TLE4: variants seen among roughly 807,000 people sequenced by gnomAD.
The protein encoded by TLE4 is TLE family member 4, transcriptional corepressor.
Under a neutral mutation model 92.8 loss-of-function variants are expected in TLE4, and 8 were observed. The observed-to-expected ratio is 0.09, with a 90% CI of 0.05 to 0.16. The LOEUF is 0.16. Ranked by LOEUF, TLE4 falls within the 10% of genes least tolerant of loss-of-function variation. The pLI, the probability that TLE4 is intolerant of heterozygous loss-of-function variation, is 1.00. For synonymous variants in TLE4, 371 were observed against 374.1 expected, an observed-to-expected ratio of 0.99 and a Z score of 0.10; for missense variants, 675 against 997.6, an observed-to-expected ratio of 0.68 and a Z score of 4.36.
chr9:79,700,386 A>G (rs1358039897), intron 8 of TLE4, among the ~76,000 whole-genome samples: 1 of 152,142 alleles, frequency 6.6e-6, no homozygotes, highest in African/African-American at 2.4e-5. Flanking sequence ...AGTCTTTCTC[A>G]TACATTGTCA....
chr9:79,707,092 G>A (rs572209453), intron 11 of TLE4, 193 bp downstream of exon 11: 1 of 1,608,732 alleles, frequency 6.2e-7, no homozygotes, highest in African/African-American at 1.3e-5. Flanking sequence ...GGTGATGAGT[G>A]TTTATTTTAT....
chr9:79,642,230 T>TAA (rs952730821), intron 6 of TLE4, among the ~76,000 whole-genome samples: 1 of 146,674 alleles, frequency 6.8e-6, no homozygotes, highest in African/African-American at 2.5e-5. Context: ...CTGCTTTACT[T>TAA]AAAAAAAAAA....
intron 4 of TLE4, among the ~76,000 whole-genome samples, chr9:79,592,104 C>CTTCTTCTTTCTTCT (rs775181411): frequency 6.6e-6 from 1 of 151,148 alleles, no homozygotes; most frequent in Admixed American, 6.6e-5. Flanking sequence ...TCTTCTTCTT[C>CTTCTTCTTTCTTCT]TTCTTCTTTC....
intron 6 of TLE4, among the ~76,000 whole-genome samples, chr9:79,632,686 T>C (rs540381002): frequency 6.6e-6 from 1 of 152,346 alleles, no homozygotes; most frequent in South Asian, 2.1e-4. Context: ...GGTGAGCTTC[T>C]CTATCTTGTT....
intron 14 of TLE4, among the ~76,000 whole-genome samples, chr9:79,712,841 C>T (rs541856877): frequency 5.3e-5 from 8 of 152,256 alleles, no homozygotes; most frequent in African/African-American, 1.7e-4. Flanking sequence ...ATTAACATCA[C>T]GGTACTAATT....
intron 5 of TLE4, among the ~76,000 whole-genome samples, chr9:79,618,745 G>A (rs2050242870): frequency 6.6e-6 from 1 of 152,164 alleles, no homozygotes; most frequent in African/African-American, 2.4e-5. Context: ...AGTCCTCACA[G>A]CAATGATGAG....
chr9:79,611,213 G>A (rs2048298776), intron 4 of TLE4, among the ~76,000 whole-genome samples: 1 of 152,046 alleles, frequency 6.6e-6, no homozygotes, highest in African/African-American at 2.4e-5. Flanking sequence ...AGCTCTTCAT[G>A]GTGGCTTAAG....
chr9:79,594,074 G>GAA (rs1564221740), intron 4 of TLE4, among the ~76,000 whole-genome samples: 1 of 152,168 alleles, frequency 6.6e-6, no homozygotes, highest in Non-Finnish European at 1.5e-5. Context: ...CCTGATCTGG[G>GAA]CCTTAGGCAT....
At chr9:79,704,741 A>G (rs773191121) in intron 8 of TLE4, 42 bp from the exon 9 acceptor site, 7 of 1,588,960 alleles carry the variant, frequency 4.4e-6, no homozygotes, top group South Asian at 1.2e-5. Flanking sequence ...GGCTAAATAG[A>G]TGATAATTTC....
In TLE4 at chr9:79,687,023, G is replaced by A. The variant is rs533095556; in HGVS notation, c.610-17760G>A. ...TGCAGACACTGCACTTAGGCTCTGG[G>A]GATACTGTGGTGAAAACCCTGAATA... On this transcript the variant is annotated intron_variant, in intron 8 of 19. Coordinates refer to ENST00000376552, the MANE Select transcript of TLE4 (RefSeq NM_007005.6). Among the ~76,000 whole-genome samples, 8 of 152,312 alleles carry A rather than the reference G, an allele frequency of 5.3e-5. No individual in the cohort carries two copies. In the South Asian group the frequency reaches 8.3e-4, roughly 16 times the overall value.
At chr9:79,714,895 A>T (rs567988580) in intron 14 of TLE4, among the ~76,000 whole-genome samples, 4 of 152,228 alleles carry the variant, frequency 2.6e-5, no homozygotes, top group South Asian at 2.1e-4. Flanking sequence ...CATACCTTCC[A>T]GGAGTATTTG....
At chr9:79,623,079 ATACTT>A (rs2051448627) in intron 5 of TLE4, among the ~76,000 whole-genome samples, 1 of 152,118 alleles carries the variant, frequency 6.6e-6, no homozygotes, top group African/African-American at 2.4e-5. Flanking sequence ...ATTTTGAAGC[ATACTT>A]TAGAGAGAGA....
At chr9:79,695,496 G>A (rs1432007823) in intron 8 of TLE4, among the ~76,000 whole-genome samples, 1 of 152,134 alleles carries the variant, frequency 6.6e-6, no homozygotes, top group African/African-American at 2.4e-5. Context: ...ACATAATATG[G>A]TAACATGAAG....
At chr9:79,578,748 A>T (rs533947491) in intron 4 of TLE4, among the ~76,000 whole-genome samples, 1 of 152,186 alleles carries the variant, frequency 6.6e-6, no homozygotes, top group South Asian at 2.1e-4. Flanking sequence ...AATGTTGCCA[A>T]TTTTTAACAA....
In TLE4 at chr9:79,723,007, G is replaced by T. The variant is rs1342941999; in HGVS notation, c.2186G>T (p.Arg729Ile). 1 of 1,614,182 alleles carries T rather than the reference G, an allele frequency of 6.2e-7. No homozygotes were observed. The highest frequency in any genetic ancestry group is 8.5e-7 in the Non-Finnish European group (1 of 1,180,024). The change falls in exon 19 of 20, where the codon AGA becomes ATA. Residue 729 changes from arginine to isoleucine, a missense_variant. By Grantham distance (97) the Arg-to-Ile change is moderately conservative. Coordinates refer to ENST00000376552, the MANE Select transcript of TLE4 (RefSeq NM_007005.6). Reference protein sequence around the residue: ...TGKDNLLNAWRTPYGASIFQS... With the variant: ...TGKDNLLNAWITPYGASIFQS... The stretch of plus-strand genomic sequence containing the variant: ...AAGGACAACCTTCTGAATGCCTGGA[G>T]AACACCTTATGGGGCCAGTATATTC...
At chr9:79,620,378 A>G (rs1390752820) in intron 5 of TLE4, among the ~76,000 whole-genome samples, 1 of 152,202 alleles carries the variant, frequency 6.6e-6, no homozygotes, top group South Asian at 2.1e-4. Context: ...AACATTTCCA[A>G]CATTGCCCAA....
intron 8 of TLE4, among the ~76,000 whole-genome samples, chr9:79,665,531 C>T (rs1564753775): frequency 1.3e-5 from 2 of 152,206 alleles, no homozygotes; most frequent in Non-Finnish European, 2.9e-5. Flanking sequence ...GGAGGACTAG[C>T]TCTGAAGGCA....
chr9:79,606,767 A>G (rs1243424406), intron 4 of TLE4, among the ~76,000 whole-genome samples: 1 of 152,120 alleles, frequency 6.6e-6, no homozygotes, highest in Admixed American at 6.6e-5. Context: ...TTCTTAATCC[A>G]GTCTATCATT....
chr9:79,722,685 T>C, intron 18 of TLE4, 84 bp downstream of exon 18: 1 of 1,509,972 alleles, frequency 6.6e-7, no homozygotes, highest in Non-Finnish European at 9.0e-7. Context: ...AGTCGAATCC[T>C]TGAGTTCATT....
Sources: allele counts gnomAD v4.1 joint callset (sites outside exome capture counted in the v4.1 genomes callset), GRCh38; gene constraint gnomAD v4.1.1; transcripts MANE v1.5; gene names NCBI Gene and HGNC (gene_info 2026-07-23, HGNC 2026-07-21).